SDK1: variants seen among roughly 807,000 people sequenced by gnomAD.
SDK1 encodes protein sidekick-1.
A neutral mutation model predicts 245.5 loss-of-function variants in SDK1; 157 were observed. That is an observed-to-expected ratio of 0.64 (90% CI 0.56 to 0.73). SDK1 has a LOEUF of 0.73. Among genes scored for constraint, SDK1 ranks in the 30% least tolerant of loss-of-function variants. The pLI, the probability that SDK1 is intolerant of heterozygous loss-of-function variation, is 0.00. For synonymous variants in SDK1, 1,647 were observed against 1,278.5 expected (o/e 1.29, Z -6.15); for missense variants, 3,583 against 3,002.3 (o/e 1.19, Z -4.52).
chr7:3,950,893 TC>T, intron 5 of SDK1, 29 bp from the exon 6 acceptor site: 2 of 1,574,548 alleles, frequency 1.3e-6, no homozygotes, highest in Non-Finnish European at 1.7e-6. Context: ...ACTTAGAGTT[TC>T]ATGGACATTT....
chr7:4,233,440 C>G (rs1388780632), intron 41 of SDK1, 21 bp downstream of exon 41: 1 of 1,604,948 alleles, frequency 6.2e-7, no homozygotes, highest in African/African-American at 1.3e-5. Context: ...CCAGGGAGGT[C>G]TGTCTTCTTC....
chr7:4,246,361 AG>A (rs1228796524), intron 44 of SDK1, among the ~76,000 whole-genome samples: 1 of 152,154 alleles, frequency 6.6e-6, no homozygotes, highest in Non-Finnish European at 1.5e-5. Flanking sequence ...GGCAGGGCTC[AG>A]GGAAGATCAG....
chr7:4,223,713 G>T (rs1042245601), intron 40 of SDK1, among the ~76,000 whole-genome samples: 2 of 152,172 alleles, frequency 1.3e-5, no homozygotes, highest in Admixed American at 6.5e-5. Flanking sequence ...TAAGCTCATT[G>T]GGAGGTATTG....
In SDK1 at chr7:3,932,943, T is replaced by A. The variant is rs78508637; in HGVS notation, c.848-17980T>A. 1.3e-3 allele frequency among the ~76,000 whole-genome samples: 198 copies of A among 151,942 alleles called. 5 individuals are homozygous for A. The East Asian group carries it at 0.033, about 25-fold the overall frequency. Reference sequence around the variant, plus strand: ...GCCTGATTATTTACGCTTCTCAGAATCAGGGCTCTCCACTCAGGACAGTGA... The same window carrying A: ...GCCTGATTATTTACGCTTCTCAGAAACAGGGCTCTCCACTCAGGACAGTGA... On this transcript the variant is annotated intron_variant, in intron 5 of 44. Coordinates refer to ENST00000404826, the MANE Select transcript of SDK1 (RefSeq NM_152744.4).
intron 4 of SDK1, among the ~76,000 whole-genome samples, chr7:3,662,938 TC>T (rs1366572381): frequency 6.6e-6 from 1 of 152,200 alleles, no homozygotes; most frequent in Non-Finnish European, 1.5e-5. Flanking sequence ...CACTTATGGT[TC>T]CAAGCATTTT....
intron 42 of SDK1, among the ~76,000 whole-genome samples, 173 bp from the exon 43 acceptor site, chr7:4,241,620 A>G (rs1357567876): frequency 6.6e-6 from 1 of 152,226 alleles, no homozygotes; most frequent in East Asian, 1.9e-4. Flanking sequence ...TGTGATCAGT[A>G]CCTAGCTCTT....
intron 1 of SDK1, among the ~76,000 whole-genome samples, chr7:3,344,150 T>C (rs1396322691): frequency 6.6e-6 from 1 of 151,828 alleles, no homozygotes; most frequent in African/African-American, 2.4e-5. Context: ...GGGGAAAAAA[T>C]CTACAGAATT....
chr7:4,178,753 C>T (rs1445476040), intron 35 of SDK1, among the ~76,000 whole-genome samples, 167 bp downstream of exon 35: 2 of 152,204 alleles, frequency 1.3e-5, no homozygotes, highest in African/African-American at 4.8e-5. Context: ...AAGATGGGCT[C>T]AGCTGAGAGC....
chr7:3,866,871 C>T (rs193149917), intron 5 of SDK1, among the ~76,000 whole-genome samples: 2 of 152,110 alleles, frequency 1.3e-5, no homozygotes, highest in African/African-American at 2.4e-5. Context: ...GACCTTGAAC[C>T]CATTAGCCAT....
intron 4 of SDK1, among the ~76,000 whole-genome samples, chr7:3,741,324 TC>T (rs1779468139): frequency 6.6e-6 from 1 of 152,158 alleles, no homozygotes; most frequent in African/African-American, 2.4e-5. Context: ...TAAGCAGGAA[TC>T]CCCAGCCCCC....
intron 1 of SDK1, among the ~76,000 whole-genome samples, chr7:3,312,042 C>G (rs1199312276): frequency 1.3e-5 from 2 of 152,180 alleles, no homozygotes; most frequent in African/African-American, 4.8e-5. Context: ...ACTAGAAAAA[C>G]TTTGCCTACT....
intron 32 of SDK1, among the ~76,000 whole-genome samples, chr7:4,171,814 C>T (rs980321057): frequency 9.2e-5 from 14 of 152,056 alleles, no homozygotes; most frequent in African/African-American, 2.9e-4. Flanking sequence ...CGGGAGTCCT[C>T]GGACCTGGGG....
chr7:4,139,055 G>T (rs79500939), intron 28 of SDK1, among the ~76,000 whole-genome samples: 1 of 152,356 alleles, frequency 6.6e-6, no homozygotes, highest in Non-Finnish European at 1.5e-5. Flanking sequence ...AGCTCCCCCC[G>T]TGTCATGTGT....
chr7:3,467,541 G>A (rs1216086480), intron 1 of SDK1, among the ~76,000 whole-genome samples: 1 of 150,958 alleles, frequency 6.6e-6, no homozygotes, highest in Non-Finnish European at 1.5e-5. Context: ...GATTTTTTTT[G>A]CTTTTTAGAT....
intron 1 of SDK1, among the ~76,000 whole-genome samples, chr7:3,374,717 C>G (rs1330762774): frequency 1.3e-5 from 2 of 152,124 alleles, no homozygotes; most frequent in African/African-American, 4.8e-5. Context: ...ACTACACACA[C>G]CCACACCCCC....
At chr7:3,765,033 A>G (rs529261227) in intron 4 of SDK1, among the ~76,000 whole-genome samples, 3 of 152,294 alleles carry the variant, frequency 2.0e-5, no homozygotes, top group East Asian at 1.9e-4. Context: ...GTAAGTGTAC[A>G]TATATAACAA....
intron 1 of SDK1, among the ~76,000 whole-genome samples, chr7:3,322,394 A>G (rs958546607): frequency 6.6e-6 from 1 of 152,188 alleles, no homozygotes; most frequent in African/African-American, 2.4e-5. Flanking sequence ...GTTAATGGAT[A>G]TCTGTGTTGT....
At chr7:3,592,609 A>G (rs564338307) in intron 1 of SDK1, among the ~76,000 whole-genome samples, 4 of 152,046 alleles carry the variant, frequency 2.6e-5, no homozygotes, top group Admixed American at 2.6e-4. Context: ...CTGTTTACTT[A>G]TGTTGGTGTT....
At chr7:3,702,908 G>C (rs537422429) in intron 4 of SDK1, among the ~76,000 whole-genome samples, 59 of 150,178 alleles carry the variant, frequency 3.9e-4, no homozygotes, top group Admixed American at 7.2e-4. Context: ...TATTAGAACA[G>C]CTAAAATAAA....
Sources: allele counts gnomAD v4.1 joint callset (sites outside exome capture counted in the v4.1 genomes callset), GRCh38; gene constraint gnomAD v4.1.1; transcripts MANE v1.5; gene names NCBI Gene and HGNC (gene_info 2026-07-23, HGNC 2026-07-21).